PPP2R2B: variants seen among roughly 807,000 people sequenced by gnomAD.
PPP2R2B encodes the protein serine/threonine-protein phosphatase 2A 55 kDa regulatory subunit B beta isoform.
A neutral mutation model predicts 46.0 loss-of-function variants in PPP2R2B; 5 were observed. The observed-to-expected ratio is 0.11, with a 90% CI of 0.06 to 0.23. PPP2R2B has a LOEUF of 0.23. Ranked by LOEUF, PPP2R2B falls within the 10% of genes least tolerant of loss-of-function variation. The pLI is 1.00. For synonymous variants in PPP2R2B, 215 were observed against 206.7 expected, an observed-to-expected ratio of 1.04 and a Z score of -0.34; for missense variants, 367 against 575.0, an observed-to-expected ratio of 0.64 and a Z score of 3.70.
chr5:146,768,721 T>C (rs1561891642), intron 2 of PPP2R2B, among the ~76,000 whole-genome samples: 1 of 152,274 alleles, frequency 6.6e-6, no homozygotes, highest in Non-Finnish European at 1.5e-5. Context: ...ACTTTGACTA[T>C]TATTTTCTTC....
In PPP2R2B at chr5:146,708,439, G is replaced by A. The variant is rs566911404; in HGVS notation, c.71-7297C>T. ...TGTGTGTGTGTGTGTGTGTGTGTGT[G>A]TAAAATTCACTTTTTGTGGCATCCA... On this transcript the variant is annotated intron_variant, in intron 2 of 9. Coordinates refer to ENST00000394411, the MANE Select transcript of PPP2R2B (RefSeq NM_181675.4). Among the ~76,000 whole-genome samples the A allele has an allele frequency of 9.0e-5, 13 of 143,652 alleles. No homozygotes were observed. The South Asian group carries it at 2.3e-3, about 25-fold the overall frequency. The allele number at this position is 143,652 out of a possible 152,430, so 94.2% of individuals were successfully genotyped here. A position where few individuals can be genotyped will look rare whatever the true frequency, so the allele number is the denominator to read the frequency against.
intron 1 of PPP2R2B, among the ~76,000 whole-genome samples, chr5:146,981,302 T>C (rs918205951): frequency 1.3e-5 from 2 of 152,174 alleles, no homozygotes; most frequent in Non-Finnish European, 2.9e-5. Context: ...ATTTTCTTAG[T>C]CCTCACAACT....
rs1162773164 is a variant in PPP2R2B at position 146,773,282 on chromosome 5, G to A, written c.71-72140C>T. 5.9e-5 allele frequency among the ~76,000 whole-genome samples: 9 copies of A among 152,302 alleles called. No individual in the cohort carries two copies. In the East Asian group the frequency reaches 7.7e-4, roughly 13 times the overall value. ...CAGCCGTTTGCATTCCAGGAATTCC[G>A]TTTGGACCTTCCATGATTAATATGT... On this transcript the variant is annotated intron_variant, in intron 2 of 9. Coordinates refer to ENST00000394411, the MANE Select transcript of PPP2R2B (RefSeq NM_181675.4).
upstream of PPP2R2B, among the ~76,000 whole-genome samples, chr5:146,882,499 C>A (rs1762199931): frequency 6.6e-6 from 1 of 152,168 alleles, no homozygotes; most frequent in Non-Finnish European, 1.5e-5. Flanking sequence ...GTTACAAGAT[C>A]TCCCTAAAGC....
chr5:146,935,169 C>T (rs939493093), intron 1 of PPP2R2B, among the ~76,000 whole-genome samples: 13 of 152,148 alleles, frequency 8.5e-5, no homozygotes, highest in African/African-American at 2.2e-4. Flanking sequence ...GATGATATTA[C>T]GAACTGGGGC....
At chr5:146,652,199 T>C (rs1048901685) in intron 5 of PPP2R2B, among the ~76,000 whole-genome samples, 1 of 152,100 alleles carries the variant, frequency 6.6e-6, no homozygotes, top group African/African-American at 2.4e-5. Context: ...GGCTATGAGG[T>C]CTGGGCAACT....
At chr5:146,908,387 G>A (rs181417925) in intron 1 of PPP2R2B, among the ~76,000 whole-genome samples, 1 of 152,056 alleles carries the variant, frequency 6.6e-6, no homozygotes, top group Non-Finnish European at 1.5e-5. Context: ...TATTCTACTA[G>A]TAAGTTCTTG....
intron 1 of PPP2R2B, among the ~76,000 whole-genome samples, chr5:146,974,883 G>A (rs1437393930): frequency 6.6e-6 from 1 of 151,790 alleles, no homozygotes; most frequent in Non-Finnish European, 1.5e-5. Context: ...TAGACACGGG[G>A]TTTCACCATG....
chr5:146,815,091 C>A (rs2151325730), intron 2 of PPP2R2B, among the ~76,000 whole-genome samples: 1 of 152,312 alleles, frequency 6.6e-6, no homozygotes, highest in Non-Finnish European at 1.5e-5. Context: ...TATCCTACTT[C>A]TGCAGAGCTG....
At chr5:146,807,125 G>A (rs1427648506) in intron 2 of PPP2R2B, among the ~76,000 whole-genome samples, 1 of 152,174 alleles carries the variant, frequency 6.6e-6, no homozygotes. Flanking sequence ...ATCTGAACTT[G>A]CATTTTAACA....
intron 2 of PPP2R2B, among the ~76,000 whole-genome samples, chr5:146,827,101 C>G (rs1369338681): frequency 6.6e-6 from 1 of 152,096 alleles, no homozygotes; most frequent in Non-Finnish European, 1.5e-5. Flanking sequence ...GCTACTTTTT[C>G]TGTCATAATC....
At chr5:146,979,732 G>A (rs539122497) in intron 1 of PPP2R2B, among the ~76,000 whole-genome samples, 2 of 152,188 alleles carry the variant, frequency 1.3e-5, no homozygotes, top group Non-Finnish European at 2.9e-5. Context: ...CAATGATAAA[G>A]TTTAATTTAC....
intron 4 of PPP2R2B, among the ~76,000 whole-genome samples, chr5:146,696,735 C>T (rs1018481518): frequency 2.0e-5 from 3 of 152,144 alleles, no homozygotes; most frequent in Admixed American, 1.3e-4. Flanking sequence ...GAGATCTGGT[C>T]ATGAGGAGAT....
At chr5:146,738,657 T>C (rs1251024711) in intron 2 of PPP2R2B, among the ~76,000 whole-genome samples, 3 of 152,114 alleles carry the variant, frequency 2.0e-5, no homozygotes, top group Non-Finnish European at 4.4e-5. Context: ...TGTCTCCTTC[T>C]GTGTGTACCA....
intron 6 of PPP2R2B, among the ~76,000 whole-genome samples, chr5:146,642,632 A>C (rs770886440): frequency 6.6e-6 from 1 of 152,210 alleles, no homozygotes; most frequent in Non-Finnish European, 1.5e-5. Context: ...GAAAATGATG[A>C]GCTAAATGGG....
At chr5:147,014,366 C>A (rs1366672354) in intron 1 of PPP2R2B, among the ~76,000 whole-genome samples, 6 of 149,690 alleles carry the variant, frequency 4.0e-5, no homozygotes, top group African/African-American at 1.2e-4. Flanking sequence ...TACCATTTGA[C>A]CCAGCCATCC....
chr5:146,684,427 T>G (rs1162528563), intron 5 of PPP2R2B, among the ~76,000 whole-genome samples: 3 of 152,202 alleles, frequency 2.0e-5, no homozygotes, highest in Non-Finnish European at 4.4e-5. Context: ...CAAGAAAGCC[T>G]AAAGGCTATA....
intron 7 of PPP2R2B, among the ~76,000 whole-genome samples, chr5:146,630,157 T>C (rs1774331183): frequency 6.6e-6 from 1 of 152,172 alleles, no homozygotes; most frequent in South Asian, 2.1e-4. Context: ...CTTGTATCCA[T>C]CCACTGATCT....
intron 7 of PPP2R2B, among the ~76,000 whole-genome samples, chr5:146,637,795 T>C (rs1271377479): frequency 6.6e-6 from 1 of 152,150 alleles, no homozygotes; most frequent in East Asian, 1.9e-4. Flanking sequence ...GTCCTGTTAA[T>C]TTTATTGCCA....
Sources: gnomAD v4.1 joint callset for allele counts (sites outside exome capture counted in the v4.1 genomes callset) on GRCh38, gnomAD v4.1.1 for gene constraint, MANE v1.5 for transcripts, NCBI Gene and HGNC (gene_info 2026-07-23, HGNC 2026-07-21) for gene names.